The following ZNF280D variants were observed in gnomAD, a reference collection of about 807,000 sequenced individuals.
The protein encoded by ZNF280D is suppressor of hairy wing homolog 4.
In ZNF280D, 39 loss-of-function variants were observed where a neutral mutation model predicts 94.7. That is an observed-to-expected ratio of 0.41 (90% CI 0.32 to 0.54). The LOEUF is 0.54. ZNF280D is among the 20% of genes least tolerant of loss of function. The pLI, the probability that ZNF280D is intolerant of heterozygous loss-of-function variation, is 0.22. For synonymous variants in ZNF280D, 398 were observed against 377.6 expected (o/e 1.05, Z -0.63); for missense variants, 1,090 against 1,149.3 (o/e 0.95, Z 0.75).
Position 56,631,924 on chromosome 15 carries a change from C to A in ZNF280D, c.2514G>T (p.Lys838Asn). Residue 838 changes from lysine (K) to asparagine (N), a missense_variant, in exon 22 of 22, where the codon AAG (lysine) becomes AAT (asparagine). Lys to Asn is a moderately conservative substitution (Grantham distance 94). Around this residue, in one of 3 missense-constraint regions of ZNF280D, gnomAD observed 577 missense variants for 568.8 expected, o/e 1.01. Coordinates refer to ENST00000267807, the MANE Select transcript of ZNF280D (RefSeq NM_017661.4). ...DSNIGADKVEKKKQIQHVCQE... is the reference protein window; with the variant it reads ...DSNIGADKVENKKQIQHVCQE... ...GACAAACGTGTTGTATTTGTTTTTT[C>A]TTTTCCACTTTATCTGCACCAATAT... 6.2e-7 allele frequency: 1 copy of A among 1,613,754 alleles called. No individual in the cohort carries two copies. The highest frequency in any genetic ancestry group is 8.5e-7 in the Non-Finnish European group (1 of 1,179,968).
chr15:56,709,068 G>A (rs1450253373), intron 1 of ZNF280D, among the ~76,000 whole-genome samples: 1 of 152,028 alleles, frequency 6.6e-6, no homozygotes, highest in Non-Finnish European at 1.5e-5. Context: ...AGAGTGAACA[G>A]GCAACCTACA....
chr15:56,701,837 G>C (rs1314718409), intron 4 of ZNF280D, among the ~76,000 whole-genome samples: 2 of 151,988 alleles, frequency 1.3e-5, no homozygotes, highest in African/African-American at 4.8e-5. Flanking sequence ...CATTTTATTA[G>C]TTAAGAGGTT....
chr15:56,655,205 C>T (rs1405518045), intron 17 of ZNF280D, among the ~76,000 whole-genome samples: 6 of 152,192 alleles, frequency 3.9e-5, no homozygotes, highest in Non-Finnish European at 8.8e-5. Context: ...ACTTGAGTTC[C>T]TCATCATCTC....
rs1566959757 is a variant in ZNF280D, at chr15:56,669,890, ATATATATATATAATATATATATAT to A, written c.1411-957_1411-934del. On this transcript the variant is annotated intron_variant, in intron 13 of 21. Coordinates refer to ENST00000267807, the MANE Select transcript of ZNF280D (RefSeq NM_017661.4). ...TATATATTTTATATATATATATATT[ATATATATATATAATATATATATAT>A]TATATATATATTATATATATATTAT... 6.2e-3 allele frequency among the ~76,000 whole-genome samples: 41 copies of A among 6,620 alleles called. 11 individuals carry two copies. The highest frequency in any genetic ancestry group is 8.9e-3 in the Admixed American group (2 of 224). 4.3% of individuals were successfully genotyped at this position (6,620 alleles called of 152,430 possible).
chr15:56,690,137 C>G (rs2056340047), intron 7 of ZNF280D, among the ~76,000 whole-genome samples: 1 of 152,160 alleles, frequency 6.6e-6, no homozygotes, highest in Non-Finnish European at 1.5e-5. Context: ...AATCCCAGCA[C>G]TTTGGGAGGC....
intron 7 of ZNF280D, among the ~76,000 whole-genome samples, chr15:56,690,577 A>G (rs1175750690): frequency 6.6e-6 from 1 of 152,208 alleles, no homozygotes; most frequent in Admixed American, 6.5e-5. Context: ...TAAAATTTTT[A>G]TATAAGGATT....
chr15:56,683,714 G>A (rs2055801704), intron 9 of ZNF280D, among the ~76,000 whole-genome samples: 1 of 152,048 alleles, frequency 6.6e-6, no homozygotes. Context: ...GTTAAATAGG[G>A]CTTCTCATGT....
intron 1 of ZNF280D, among the ~76,000 whole-genome samples, chr15:56,722,303 G>A (rs2058409470): frequency 6.6e-6 from 1 of 152,184 alleles, no homozygotes; most frequent in Non-Finnish European, 1.5e-5. Flanking sequence ...GACAAGAAGT[G>A]CTCACGCTGT....
chr15:56,732,637 G>T (rs2058950681), intron 1 of ZNF280D: 2 of 151,568 alleles, frequency 1.3e-5, no homozygotes, highest in Non-Finnish European at 2.9e-5. Flanking sequence ...CGCAAACAAA[G>T]GCCTTTGGCC....
chr15:56,654,082 A>C, intron 19 of ZNF280D, 116 bp downstream of exon 19: 1 of 1,511,304 alleles, frequency 6.6e-7, no homozygotes, highest in Non-Finnish European at 8.8e-7. Context: ...TTAAAAAAAA[A>C]ACAAAAAAAC....
chr15:56,720,591 C>G (rs1165030463), intron 1 of ZNF280D, among the ~76,000 whole-genome samples: 1 of 152,160 alleles, frequency 6.6e-6, no homozygotes, highest in Non-Finnish European at 1.5e-5. Flanking sequence ...CCAGATCCAT[C>G]AGAGAAATCA....
chr15:56,666,617 C>G (rs2054307596), intron 15 of ZNF280D, 62 bp downstream of exon 15: 4 of 1,514,720 alleles, frequency 2.6e-6, no homozygotes, highest in Non-Finnish European at 3.5e-6. Flanking sequence ...GTTCTCTTAA[C>G]TAAAGTATAA....
At position 56,666,753 on chromosome 15, in the gene ZNF280D, A is replaced by G. The variant is rs113114382; in HGVS notation, c.1779T>C (p.Asn593=). The change falls in exon 15 of 22, where the codon AAT becomes AAC. Residue 593 remains asparagine (N), a synonymous_variant. Coordinates refer to ENST00000267807, the MANE Select transcript of ZNF280D (RefSeq NM_017661.4). The part of the protein sequence containing the change: ...SKSKYKPKIS[N]MQKKQSTLAS... ...CCAATGTGCTTTGTTTCTTTTGCAT[A>G]TTAGAGATTTTTGGTTTGTATTTAG... The G allele has an allele frequency of 6.2e-7, 1 of 1,613,484 alleles. No homozygotes were observed. Among genetic ancestry groups the G allele is most frequent in the South Asian group, 1.1e-5 (1 of 91,064 alleles).
chr15:56,658,314 C>T, intron 17 of ZNF280D, 110 bp downstream of exon 17: 1 of 748,624 alleles, frequency 1.3e-6, no homozygotes, highest in Non-Finnish European at 2.2e-6. Context: ...CCTATAAACA[C>T]ATAAATTGTA....
intron 6 of ZNF280D, chr15:56,699,225 G>A (rs2056918170): frequency 8.8e-6 from 2 of 226,950 alleles, no homozygotes; most frequent in African/African-American, 4.7e-5. Context: ...TATCTAAATA[G>A]TGATATGTAA....
Position 56,664,073 on chromosome 15 carries a change from T to C in ZNF280D, c.1994+2322A>G, listed in dbSNP as rs531853876. On this transcript the variant is annotated intron_variant, in intron 16 of 21. Transcript: ENST00000267807. Reference sequence around the variant, plus strand: ...TAATTTCACATGGCTGTCAGGAACATTAAACAAATTAAGTTTTAAAAAGTG... The same window carrying C: ...TAATTTCACATGGCTGTCAGGAACACTAAACAAATTAAGTTTTAAAAAGTG... 2.0e-4 allele frequency among the ~76,000 whole-genome samples: 31 copies of C among 152,264 alleles called. No homozygotes were observed. The Middle Eastern group carries it at 0.017, about 84-fold the overall frequency.
chr15:56,712,740 CTT>C (rs370458226), intron 1 of ZNF280D, among the ~76,000 whole-genome samples: 1 of 133,486 alleles, frequency 7.5e-6, no homozygotes, highest in Admixed American at 7.7e-5. Flanking sequence ...TGGTGAATGG[CTT>C]TTTTTTTTTT....
intron 14 of ZNF280D, chr15:56,668,015 T>C (rs1006297654): frequency 4.0e-5 from 15 of 374,994 alleles, no homozygotes; most frequent in African/African-American, 3.0e-4. Flanking sequence ...TCTGCATGTC[T>C]AGTCCCAACA....
intron 9 of ZNF280D, among the ~76,000 whole-genome samples, chr15:56,684,788 T>C (rs920493843): frequency 3.9e-5 from 6 of 152,038 alleles, no homozygotes; most frequent in Admixed American, 1.3e-4. Context: ...CAAATTCATA[T>C]TGGAGATGAA....
Sources: gnomAD v4.1 joint callset for allele counts (sites outside exome capture counted in the v4.1 genomes callset) on GRCh38, gnomAD v4.1.1 for gene constraint, gnomAD v4.1.1 regional missense constraint, MANE v1.5 for transcripts, NCBI Gene and HGNC (gene_info 2026-07-23, HGNC 2026-07-21) for gene names.